The following IFTAP variants were observed in gnomAD, a reference collection of about 807,000 sequenced individuals.
IFTAP encodes the protein intraflagellar transport-associated protein.
Under a neutral mutation model 19.4 loss-of-function variants are expected in IFTAP, and 19 were observed. The observed-to-expected ratio is 0.98, with a 90% CI of 0.68 to 1.44. The LOEUF (loss-of-function observed/expected upper bound fraction) is 1.44, where lower values mean the gene tolerates loss of function less well. Ranked by LOEUF, IFTAP falls within the 40% of genes most tolerant of loss-of-function variation. The probability of loss-of-function intolerance (pLI) is 0.00; values close to 1 mark genes in which losing one functional copy is unlikely to be tolerated. For missense variants in IFTAP, 240 were observed against 253.6 expected, an observed-to-expected ratio of 0.95 and a Z score of 0.36; for synonymous variants, 85 against 83.5, an observed-to-expected ratio of 1.02 and a Z score of -0.10.
chr11:36,606,029 T>C (rs1267638689), intron 1 of IFTAP, among the ~76,000 whole-genome samples: 1 of 152,192 alleles, frequency 6.6e-6, no homozygotes, highest in East Asian at 1.9e-4. Flanking sequence ...TCATTATCTG[T>C]TCTGTCAGTC....
chr11:36,642,936 G>A (rs1352218028), intron 4 of IFTAP, among the ~76,000 whole-genome samples: 1 of 152,172 alleles, frequency 6.6e-6, no homozygotes, highest in African/African-American at 2.4e-5. Context: ...CATTCCCTTT[G>A]AAAACTGGCA....
chr11:36,623,825 C>A (rs566204479), intron 2 of IFTAP, among the ~76,000 whole-genome samples: 1 of 151,420 alleles, frequency 6.6e-6, no homozygotes, highest in East Asian at 1.9e-4. Flanking sequence ...TTGTATATTT[C>A]GTACACGAAG....
intron 3 of IFTAP, 33 bp from the exon 4 acceptor site, chr11:36,636,018 C>T (rs2133464700): frequency 6.7e-7 from 1 of 1,484,794 alleles, no homozygotes; most frequent in Middle Eastern, 1.7e-4. Context: ...TAGGTCTATT[C>T]TGCTTAAAAA....
intron 1 of IFTAP, among the ~76,000 whole-genome samples, chr11:36,609,350 A>G (rs528656125): frequency 2.6e-5 from 4 of 152,226 alleles, no homozygotes; most frequent in Non-Finnish European, 5.9e-5. Flanking sequence ...ATTTTTCAGT[A>G]CAACCTCAGG....
Position 36,647,879 on chromosome 11 carries a change from G to A in IFTAP, c.359-137G>A, listed in dbSNP as rs969455355. On this transcript the variant is annotated intron_variant, in intron 4 of 5. Coordinates refer to ENST00000334307, the MANE Select transcript of IFTAP (RefSeq NM_138787.4). ...AATCCCTTGAGTCCAGTTCCCAAAG[G>A]AGGACAGGCATTGTGAAATGGATCT... is the stretch of plus-strand genomic sequence containing the variant. The A allele has an allele frequency of 7.6e-5, 72 of 952,858 alleles. No individual in the cohort carries two copies. The African/African-American group carries it at 1.1e-3, about 14-fold the overall frequency. The allele number at this position is 952,858 out of a possible 1,614,324, so 59.0% of individuals were successfully genotyped here.
At chr11:36,607,874 T>C (rs1223818389) in intron 1 of IFTAP, among the ~76,000 whole-genome samples, 1 of 152,120 alleles carries the variant, frequency 6.6e-6, no homozygotes, top group Non-Finnish European at 1.5e-5. Context: ...GGTTTCTCCA[T>C]GTTGTTCAGG....
intron 5 of IFTAP, among the ~76,000 whole-genome samples, chr11:36,652,694 A>G (rs940599941): frequency 2.6e-5 from 4 of 152,162 alleles, no homozygotes; most frequent in Non-Finnish European, 5.9e-5. Flanking sequence ...TGGGTTTGTC[A>G]TAAGTAACTC....
At chr11:36,645,746 C>T (rs1853455833) in intron 4 of IFTAP, among the ~76,000 whole-genome samples, 1 of 151,980 alleles carries the variant, frequency 6.6e-6, no homozygotes, top group Non-Finnish European at 1.5e-5. Flanking sequence ...TCAATTTTTT[C>T]TTGATTATTC....
At chr11:36,637,673 A>G (rs2133470654) in intron 4 of IFTAP, among the ~76,000 whole-genome samples, 1 of 152,324 alleles carries the variant, frequency 6.6e-6, no homozygotes. Flanking sequence ...TGATTCTAAT[A>G]TAATTAATTT....
Position 36,648,976 on chromosome 11 carries a change from A to G in IFTAP, c.498+821A>G, listed in dbSNP as rs533212819. 7.2e-5 allele frequency among the ~76,000 whole-genome samples: 11 copies of G among 152,268 alleles called. 1 individual carries two copies. In the South Asian group the frequency reaches 1.9e-3, roughly 26 times the overall value. On this transcript the variant is annotated intron_variant, in intron 5 of 5. Transcript: ENST00000334307. Reference sequence around the variant, plus strand: ...AGCTATCATTTTGCAGCTCTTCTACATATGCTTAATAAACATGTATCAATA... The same window carrying G: ...AGCTATCATTTTGCAGCTCTTCTACGTATGCTTAATAAACATGTATCAATA...
At chr11:36,609,986 G>T in intron 1 of IFTAP, 95 bp from the exon 2 acceptor site, 1 of 1,105,058 alleles carries the variant, frequency 9.0e-7, no homozygotes, top group Non-Finnish European at 1.3e-6. Flanking sequence ...TCTTTGTTTT[G>T]GAGCCTTGGA....
At chr11:36,620,682 G>A (rs1452961230) in intron 2 of IFTAP, among the ~76,000 whole-genome samples, 1 of 151,948 alleles carries the variant, frequency 6.6e-6, no homozygotes, top group Non-Finnish European at 1.5e-5. Flanking sequence ...GTATTTAAAT[G>A]TGCATGACAT....
chr11:36,656,212 AGGTAATAAG>A, intron 5 of IFTAP, among the ~76,000 whole-genome samples: 1 of 152,262 alleles, frequency 6.6e-6, no homozygotes, highest in African/African-American at 2.4e-5. Flanking sequence ...AGGATGAGGT[AGGTAATAAG>A]TGAAGTGATG....
chr11:36,628,579 T>A (rs1328418569), intron 2 of IFTAP, among the ~76,000 whole-genome samples: 1 of 151,372 alleles, frequency 6.6e-6, no homozygotes, highest in Non-Finnish European at 1.5e-5. Flanking sequence ...TAACTGTCTT[T>A]GTCACCTTGC....
chr11:36,651,444 A>G (rs182147461), intron 5 of IFTAP, among the ~76,000 whole-genome samples: 6 of 152,182 alleles, frequency 3.9e-5, no homozygotes, highest in African/African-American at 1.4e-4. Context: ...TGCAGATTCT[A>G]GATATTAGCC....
At chr11:36,634,359 A>G (rs954877379) in intron 3 of IFTAP, among the ~76,000 whole-genome samples, 12 of 152,226 alleles carry the variant, frequency 7.9e-5, no homozygotes, top group African/African-American at 2.9e-4. Context: ...TATTTTACTC[A>G]TGAGAAGACT....
chr11:36,657,233 T>C (rs907102729), intron 5 of IFTAP, among the ~76,000 whole-genome samples: 8 of 152,156 alleles, frequency 5.3e-5, no homozygotes, highest in African/African-American at 1.9e-4. Flanking sequence ...TACTTACTGC[T>C]GAGTAGAGCT....
chr11:36,634,243 A>G (rs1488098860), intron 3 of IFTAP, among the ~76,000 whole-genome samples: 1 of 152,150 alleles, frequency 6.6e-6, no homozygotes, highest in Non-Finnish European at 1.5e-5. Context: ...GGAACAGAGA[A>G]TGGTTGAATG....
chr11:36,614,399 A>G, intron 2 of IFTAP, among the ~76,000 whole-genome samples: 1 of 148,714 alleles, frequency 6.7e-6, no homozygotes, highest in Admixed American at 6.7e-5. Flanking sequence ...GTGTCTTTAT[A>G]GCAGCATGAT....
Sources: gnomAD v4.1 joint callset for allele counts (sites outside exome capture counted in the v4.1 genomes callset) on GRCh38, gnomAD v4.1.1 for gene constraint, MANE v1.5 for transcripts, NCBI Gene and HGNC (gene_info 2026-07-23, HGNC 2026-07-21) for gene names.